The following OSBPL11 variants were observed in gnomAD, a reference collection of about 807,000 sequenced individuals.
OSBPL11 encodes oxysterol-binding protein-related protein 11.
In OSBPL11, 33 loss-of-function variants were observed where a neutral mutation model predicts 84.4. The ratio of observed to expected loss-of-function variants is 0.39; its 90% CI spans 0.30 to 0.52. OSBPL11 has a LOEUF of 0.52. Among genes scored for constraint, OSBPL11 ranks in the 20% least tolerant of loss-of-function variants. OSBPL11 has a pLI of 0.72. For missense variants in OSBPL11, 736 were observed against 901.1 expected (o/e 0.82, Z 2.35); for synonymous variants, 276 against 310.2 (o/e 0.89, Z 1.16).
intron 11 of OSBPL11, among the ~76,000 whole-genome samples, chr3:125,536,896 T>C (rs12497729): frequency 0.18 from 27,278 of 151,988 alleles, 3,146 homozygotes; most frequent in African/African-American, 0.33. Flanking sequence ...CGGTGGCTCA[T>C]GCCTGTAATC....
chr3:125,581,689 C>G (rs534473966), intron 2 of OSBPL11, among the ~76,000 whole-genome samples: 2 of 119,108 alleles, frequency 1.7e-5, no homozygotes, highest in Admixed American at 8.8e-5. Context: ...GAGTGAGACT[C>G]CATCTCAAAA....
At chr3:125,588,748 G>T (rs1936551794) in intron 1 of OSBPL11, among the ~76,000 whole-genome samples, 1 of 152,188 alleles carries the variant, frequency 6.6e-6, no homozygotes, top group African/African-American at 2.4e-5. Context: ...GCAACAGCTA[G>T]TGTGTAGCCT....
chr3:125,536,257 T>A (rs1935638517), intron 11 of OSBPL11, among the ~76,000 whole-genome samples: 1 of 152,182 alleles, frequency 6.6e-6, no homozygotes, highest in African/African-American at 2.4e-5. Context: ...CTGGTAATTT[T>A]AAAAAGGCCA....
chr3:125,579,751 ACATCACT>A, intron 3 of OSBPL11, 107 bp downstream of exon 3: 1 of 891,644 alleles, frequency 1.1e-6, no homozygotes, highest in South Asian at 1.4e-5. Context: ...TATTGTATTT[ACATCACT>A]GATGACAGCA....
chr3:125,592,378 T>C (rs900741665), intron 1 of OSBPL11, among the ~76,000 whole-genome samples: 1 of 152,104 alleles, frequency 6.6e-6, no homozygotes, highest in Admixed American at 6.6e-5. Flanking sequence ...TTTTTATAAT[T>C]AGAAATGGAT....
intron 1 of OSBPL11, among the ~76,000 whole-genome samples, chr3:125,591,775 A>C (rs1936597495): frequency 6.6e-6 from 1 of 152,234 alleles, no homozygotes; most frequent in African/African-American, 2.4e-5. Flanking sequence ...ATTTCAAAAT[A>C]AATTCCAGAT....
Position 125,580,031 on chromosome 3 carries a change from A to G in OSBPL11, c.243T>C (p.Val81=), listed in dbSNP as rs1464894457. 18 of 1,605,732 alleles carry G rather than the reference A, an allele frequency of 1.1e-5. No homozygotes were observed. Among genetic ancestry groups the G allele is most frequent in the Non-Finnish European group, 1.4e-5 (17 of 1,177,734 alleles). Residue 81 remains valine, a synonymous_variant, in exon 3 of 13, where the codon GTT becomes GTC. Transcript: ENST00000296220. ...CCAACAGCCCAGCTTCATTGTTTAA[A>G]ACAAAAAACCTGTAATGATTTTTTA... ...LVTGWQYRFF[V]LNNEAGLLEY... is the part of the protein sequence containing the mutation.
chr3:125,587,513 G>A (rs184854492), intron 1 of OSBPL11, among the ~76,000 whole-genome samples: 179 of 152,316 alleles, frequency 1.2e-3, no homozygotes, highest in African/African-American at 4.0e-3. Flanking sequence ...GAGATGGGCA[G>A]GGTCTAAGAG....
At chr3:125,532,578 A>G (rs919733849) in intron 11 of OSBPL11, among the ~76,000 whole-genome samples, 197 of 126,984 alleles carry the variant, frequency 1.6e-3, no homozygotes, top group Non-Finnish European at 2.8e-3. Flanking sequence ...AATCTCAAGC[A>G]AAAAAAAAAA....
intron 11 of OSBPL11, among the ~76,000 whole-genome samples, 189 bp downstream of exon 11, chr3:125,538,262 A>C (rs1477877991): frequency 2.6e-5 from 4 of 152,212 alleles, no homozygotes. Context: ...TTTTTACTAA[A>C]ATGTGACTGT....
At chr3:125,593,896 T>C (rs184237265) in intron 1 of OSBPL11, among the ~76,000 whole-genome samples, 1 of 152,350 alleles carries the variant, frequency 6.6e-6, no homozygotes, top group African/African-American at 2.4e-5. Context: ...TCATTCATTC[T>C]TAAGGTTCTG....
At chr3:125,539,324 T>TAC (rs1553732050) in intron 10 of OSBPL11, among the ~76,000 whole-genome samples, 2 of 120,142 alleles carry the variant, frequency 1.7e-5, no homozygotes, top group Non-Finnish European at 3.3e-5. Flanking sequence ...TATATATATA[T>TAC]ATATATATAT....
At chr3:125,538,774 A>G in intron 10 of OSBPL11, 141 bp from the exon 11 acceptor site, 1 of 608,158 alleles carries the variant, frequency 1.6e-6, no homozygotes, top group Non-Finnish European at 2.7e-6. Flanking sequence ...TGCCAAAGTT[A>G]GATTCTTTGT....
At chr3:125,536,484 T>C (rs1378156200) in intron 11 of OSBPL11, among the ~76,000 whole-genome samples, 1 of 152,172 alleles carries the variant, frequency 6.6e-6, no homozygotes, top group Non-Finnish European at 1.5e-5. Flanking sequence ...TTCAATAATA[T>C]AAGCACCAAG....
intron 10 of OSBPL11, among the ~76,000 whole-genome samples, chr3:125,540,328 CAAA>C (rs201858368): frequency 1.2e-5 from 1 of 85,334 alleles, no homozygotes; most frequent in Non-Finnish European, 2.1e-5. Flanking sequence ...GGCTCTGTCT[CAAA>C]AAAAAAAAAA....
At chr3:125,531,203 C>A (rs901944109) in intron 12 of OSBPL11, among the ~76,000 whole-genome samples, 15 of 151,560 alleles carry the variant, frequency 9.9e-5, no homozygotes, top group African/African-American at 3.6e-4. Flanking sequence ...TGGTCTGAAA[C>A]TCCTGACCTC....
chr3:125,543,124 A>AT (rs60571172), intron 10 of OSBPL11, among the ~76,000 whole-genome samples: 3,337 of 99,240 alleles, frequency 0.034, 109 homozygotes, highest in Non-Finnish European at 0.047. Flanking sequence ...GGCTAGTAAG[A>AT]TTTTTTTTTT....
intron 1 of OSBPL11, among the ~76,000 whole-genome samples, chr3:125,590,362 C>A (rs1936578423): frequency 6.6e-6 from 1 of 152,088 alleles, no homozygotes. Context: ...CCAGCCTGGC[C>A]AACATGGTGA....
intron 1 of OSBPL11, 87 bp downstream of exon 1, chr3:125,594,550 A>C: frequency 6.1e-6 from 9 of 1,484,274 alleles, no homozygotes; most frequent in Non-Finnish European, 7.3e-6. Context: ...AAAAACTTTT[A>C]TCTTTCAACA....
Sources: allele counts gnomAD v4.1 joint callset (sites outside exome capture counted in the v4.1 genomes callset), GRCh38; gene constraint gnomAD v4.1.1; transcripts MANE v1.5; gene names NCBI Gene and HGNC (gene_info 2026-07-23, HGNC 2026-07-21).